Variants in PARVB observed in about 807,000 individuals in gnomAD.
PARVB encodes parvin beta.
PARVB carries 46 observed loss-of-function variants against 47.0 expected under a neutral mutation model. The ratio of observed to expected loss-of-function variants is 0.98; its 90% CI spans 0.77 to 1.25. The LOEUF (loss-of-function observed/expected upper bound fraction) is 1.25, where lower values mean the gene tolerates loss of function less well. PARVB is among the 50% of genes most tolerant of loss of function. PARVB has a pLI of 0.00. For synonymous variants in PARVB, 196 were observed against 196.3 expected (o/e 1.00, Z 0.01); for missense variants, 473 against 471.6 (o/e 1.00, Z -0.03).
At chr22:44,104,344 C>T (rs571378076) in intron 3 of PARVB, 5 of 152,380 alleles carry the variant, frequency 3.3e-5, no homozygotes, top group Admixed American at 1.3e-4. Flanking sequence ...CACAGCAACC[C>T]GGAGAGCAGC....
rs1555913782 is a variant in PARVB at position 44,164,414 on chromosome 22, C to CCCT, written c.1018+486_1018+487insTCC. Among the ~76,000 whole-genome samples the CCCT allele has an allele frequency of 4.8e-5, 7 of 146,440 alleles. No individual in the cohort carries two copies. In the East Asian group the frequency reaches 7.9e-4, roughly 17 times the overall value. The stretch of plus-strand genomic sequence containing the variant: ...GGCGGGCGGTTGCTTCCCTGTCCCC[C>CCCT]CCCCGGCTCCTGTGCCAAGTTACCT... On this transcript the variant is annotated intron_variant, in intron 12 of 12. Coordinates refer to ENST00000338758, the MANE Select transcript of PARVB (RefSeq NM_013327.5).
intron 1 of PARVB, among the ~76,000 whole-genome samples, chr22:44,074,958 C>A (rs1333026669): frequency 6.6e-6 from 1 of 152,204 alleles, no homozygotes; most frequent in Non-Finnish European, 1.5e-5. Context: ...CGGGGCTTCC[C>A]AGCCTCAACA....
chr22:44,155,076 GGT>G lies in PARVB; in HGVS notation c.844-2896_844-2895del, dbSNP rs2053902791. 6.7e-6 allele frequency among the ~76,000 whole-genome samples: 1 copy of G among 149,210 alleles called. No individual in the cohort carries two copies. The highest frequency in any genetic ancestry group is 1.5e-5 in the Non-Finnish European group (1 of 67,612). On this transcript the variant is annotated intron_variant, in intron 10 of 12. Coordinates refer to ENST00000338758, the MANE Select transcript of PARVB (RefSeq NM_013327.5). The surrounding 1 kb of genome is among the most constrained non-coding windows in gnomAD (Gnocchi z 4.8). ...TGTGTGTGGTTTTTGTAGTCTGTGT[GGT>G]GTGTGTGTGGTGTAGGTGTGTGTTT...
At chr22:44,014,122 A>G (rs1237134784) in intron 2 of PARVB, among the ~76,000 whole-genome samples, 1 of 152,202 alleles carries the variant, frequency 6.6e-6, no homozygotes, top group Non-Finnish European at 1.5e-5. Flanking sequence ...TGTATTGTTC[A>G]AGGGTCCTGT....
At chr22:44,119,346 GC>G (rs1037137082) in intron 4 of PARVB, among the ~76,000 whole-genome samples, 9 of 152,200 alleles carry the variant, frequency 5.9e-5, no homozygotes, top group African/African-American at 2.2e-4. Context: ...AGAGCACCCA[GC>G]CATGGGGCAG....
intron 1 of PARVB, among the ~76,000 whole-genome samples, chr22:44,082,199 C>T (rs566444916): frequency 1.3e-5 from 2 of 152,214 alleles, no homozygotes; most frequent in Non-Finnish European, 2.9e-5. Flanking sequence ...TCCCGTGCTC[C>T]GGAAGGGTGG....
chr22:44,030,019 C>T (rs555409663), intron 1 of PARVB, among the ~76,000 whole-genome samples: 1 of 152,372 alleles, frequency 6.6e-6, no homozygotes, highest in South Asian at 2.1e-4. Flanking sequence ...GGAGAGAAAT[C>T]TCAAAGCTCT....
intron 4 of PARVB, among the ~76,000 whole-genome samples, chr22:44,122,088 C>T (rs181247345): frequency 1.1e-4 from 17 of 152,240 alleles, no homozygotes; most frequent in Non-Finnish European, 1.8e-4. Flanking sequence ...TTGTTTCTCT[C>T]TGTATTTAGT....
At chr22:44,035,530 C>T (rs5764063) in intron 1 of PARVB, among the ~76,000 whole-genome samples, 60,890 of 151,760 alleles carry the variant, frequency 0.4, 13,055 homozygotes, top group East Asian at 0.55. Flanking sequence ...GCCACCGTGC[C>T]CGGCTGATTT....
chr22:44,131,132 T>C (rs760691666), intron 4 of PARVB, among the ~76,000 whole-genome samples: 7 of 86,518 alleles, frequency 8.1e-5, no homozygotes, highest in African/African-American at 3.0e-4. Flanking sequence ...TTTTTCTTTC[T>C]TTCTCTCTCT....
intron 1 of PARVB, among the ~76,000 whole-genome samples, chr22:44,091,128 G>A (rs531662319): frequency 3.5e-4 from 53 of 152,230 alleles, no homozygotes; most frequent in Non-Finnish European, 6.2e-4. Context: ...TCCACTGCTG[G>A]TGTAGCGTTA....
chr22:44,140,192 C>T, intron 8 of PARVB, 49 bp downstream of exon 8: 1 of 1,588,628 alleles, frequency 6.3e-7, no homozygotes, highest in Non-Finnish European at 8.6e-7. Context: ...TTAGGGCTCC[C>T]CCAGGAAGCT....
intron 1 of PARVB, among the ~76,000 whole-genome samples, chr22:44,037,253 T>C (rs2050938640): frequency 6.6e-6 from 1 of 151,808 alleles, no homozygotes; most frequent in Non-Finnish European, 1.5e-5. Flanking sequence ...TGAAACCTTG[T>C]CTCTACCAAA....
intron 8 of PARVB, chr22:44,142,422 G>C (rs2053573119): frequency 7.3e-6 from 1 of 136,740 alleles, no homozygotes; most frequent in African/African-American, 2.7e-5. Context: ...AAAGATGACA[G>C]TGGGCCCCTC....
intron 4 of PARVB, among the ~76,000 whole-genome samples, chr22:44,128,093 T>A (rs1439462137): frequency 6.6e-6 from 1 of 152,204 alleles, no homozygotes; most frequent in Admixed American, 6.5e-5. Flanking sequence ...GAATCCCTCT[T>A]CTTGAGAGAA....
At chr22:44,059,079 T>C (rs1435587937) in intron 1 of PARVB, among the ~76,000 whole-genome samples, 1 of 140,912 alleles carries the variant, frequency 7.1e-6, no homozygotes, top group East Asian at 2.4e-4. Flanking sequence ...GGAGTCTTGC[T>C]GTGTTGCCCA....
intron 1 of PARVB, 140 bp from the exon 2 acceptor site, chr22:44,093,788 C>T: frequency 1.7e-6 from 1 of 602,132 alleles, no homozygotes; most frequent in Non-Finnish European, 2.9e-6. Flanking sequence ...CTGACTCTTT[C>T]TGGGCAACAG....
chr22:44,128,020 C>T (rs6006667), intron 4 of PARVB, among the ~76,000 whole-genome samples: 17,425 of 152,166 alleles, frequency 0.11, 1,081 homozygotes, highest in Middle Eastern at 0.17. Flanking sequence ...TGGGCTCAAA[C>T]GATCCTCCCA....
In PARVB at chr22:44,155,946, T is replaced by A. The variant is rs1260768097; in HGVS notation, c.844-2036T>A. On this transcript the variant is annotated intron_variant, in intron 10 of 12. Transcript: ENST00000338758. This position sits in a 1 kb window ranked among gnomAD's most constrained non-coding sequence, Gnocchi z 4.8. ...GGTGGGTGGATCATGAGGTCAGGAG[T>A]TCAAGACCAGCCTGACCAACATGGT... 6.6e-6 allele frequency among the ~76,000 whole-genome samples: 1 copy of A among 151,386 alleles called. No homozygotes were observed. The highest frequency in any genetic ancestry group is 2.4e-5 in the African/African-American group (1 of 41,124).
Sources: gnomAD v4.1 joint callset for allele counts (sites outside exome capture counted in the v4.1 genomes callset) on GRCh38, gnomAD v4.1.1 for gene constraint, Gnocchi (gnomAD v3.1) non-coding constraint, MANE v1.5 for transcripts, NCBI Gene and HGNC (gene_info 2026-07-23, HGNC 2026-07-21) for gene names.